MSL2: variants seen among roughly 807,000 people sequenced by gnomAD.
MSL2 encodes MSL complex subunit 2, also known as E3 ubiquitin-protein ligase MSL2.
A neutral mutation model predicts 35.8 loss-of-function variants in MSL2; 2 were observed. The observed-to-expected ratio is 0.06, with a 90% CI of 0.02 to 0.18. MSL2 has a LOEUF of 0.18. Among genes scored for constraint, MSL2 ranks in the 10% least tolerant of loss-of-function variants. The pLI, the probability that MSL2 is intolerant of heterozygous loss-of-function variation, is 1.00. For synonymous variants in MSL2, 296 were observed against 255.7 expected, an observed-to-expected ratio of 1.16 and a Z score of -1.50; for missense variants, 523 against 706.7, an observed-to-expected ratio of 0.74 and a Z score of 2.95.
At chr3:136,183,291 CACTCCTGTA>C (rs1331771085) in intron 1 of MSL2, among the ~76,000 whole-genome samples, 1 of 152,198 alleles carries the variant, frequency 6.6e-6, no homozygotes, top group African/African-American at 2.4e-5. Flanking sequence ...TGCGGTGGCT[CACTCCTGTA>C]ACCCCAGCAC....
At chr3:136,166,062 T>TAAAAAA (rs34420183) in intron 1 of MSL2, among the ~76,000 whole-genome samples, 7 of 80,078 alleles carry the variant, frequency 8.7e-5, no homozygotes, top group East Asian at 1.1e-3. Context: ...TACGTACCAG[T>TAAAAAA]AAAAAAAAAA....
rs545026038 is a variant in MSL2, at chr3:136,195,175, G to C, written c.-62C>G. ...AGAAATTCCGGATCCAACTTAGTAA[G>C]CAGCCAGGGAACGATGGCGAATTTG... On this transcript the variant is annotated 5_prime_UTR_variant, in exon 1 of 2. Coordinates refer to ENST00000309993, the MANE Select transcript of MSL2 (RefSeq NM_018133.4). 6.4e-7 allele frequency: 1 copy of C among 1,563,430 alleles called. No homozygotes were observed. The highest frequency in any genetic ancestry group is 1.2e-5 in the South Asian group (1 of 84,980).
At chr3:136,180,412 G>C (rs1464251172) in intron 1 of MSL2, among the ~76,000 whole-genome samples, 1 of 151,958 alleles carries the variant, frequency 6.6e-6, no homozygotes, top group Non-Finnish European at 1.5e-5. Context: ...GACCTGTTCA[G>C]ATACAGGATG....
At chr3:136,190,770 AC>A (rs1197224544) in intron 1 of MSL2, among the ~76,000 whole-genome samples, 1 of 152,202 alleles carries the variant, frequency 6.6e-6, no homozygotes, top group South Asian at 2.1e-4. Flanking sequence ...AAAGAAAAAA[AC>A]AATTCTACTT....
chr3:136,192,169 A>G (rs1280725773), intron 1 of MSL2, among the ~76,000 whole-genome samples: 1 of 152,208 alleles, frequency 6.6e-6, no homozygotes, highest in Non-Finnish European at 1.5e-5. Context: ...TTAGACAAGA[A>G]AGATAACTTT....
chr3:136,180,866 G>A (rs968234703), intron 1 of MSL2, among the ~76,000 whole-genome samples: 3 of 149,662 alleles, frequency 2.0e-5, no homozygotes, highest in South Asian at 2.1e-4. Context: ...GGAGTTGGCC[G>A]GGCGTGGTAG....
At chr3:136,189,486 AGGCGGAGTCG>A (rs1188171286) in intron 1 of MSL2, among the ~76,000 whole-genome samples, 2 of 148,356 alleles carry the variant, frequency 1.3e-5, no homozygotes, top group Middle Eastern at 3.4e-3. Context: ...GCACTTTGGG[AGGCGGAGTCG>A]GGCGGATCAC....
In MSL2 at chr3:136,165,341, T is replaced by G. The variant is rs1285845053; in HGVS notation, c.143-12603A>C. ...ATGTGCTCTGTCTAAACAAATAATGTGATATTGACCCTAAAAATATTCATT... is the reference window on the plus strand; with the variant it reads ...ATGTGCTCTGTCTAAACAAATAATGGGATATTGACCCTAAAAATATTCATT... On this transcript the variant is annotated intron_variant, in intron 1 of 1. Transcript: ENST00000309993. 3.3e-5 allele frequency among the ~76,000 whole-genome samples: 5 copies of G among 152,284 alleles called. No homozygotes were observed. The East Asian group carries it at 9.6e-4, about 29-fold the overall frequency.
At chr3:136,160,856 A>C (rs866915655) in intron 1 of MSL2, among the ~76,000 whole-genome samples, 7 of 152,192 alleles carry the variant, frequency 4.6e-5, no homozygotes, top group Admixed American at 3.9e-4. Context: ...TAGGAGGACA[A>C]GATGGGCAGA....
rs1204730241 is a variant in MSL2, at chr3:136,177,618, G to A, written c.142+17354C>T. Among the ~76,000 whole-genome samples the A allele has an allele frequency of 3.4e-5, 5 of 148,978 alleles. No individual in the cohort carries two copies. In the South Asian group the frequency reaches 8.4e-4, roughly 25 times the overall value. ...GGCATGAACCCAGGAGGCAGAGCTCGCAGTGAGCTGAGATCACGACACTGC... is the reference window on the plus strand; with the variant it reads ...GGCATGAACCCAGGAGGCAGAGCTCACAGTGAGCTGAGATCACGACACTGC... On this transcript the variant is annotated intron_variant, in intron 1 of 1. Transcript: ENST00000309993.
intron 1 of MSL2, among the ~76,000 whole-genome samples, chr3:136,178,939 T>C (rs1019717117): frequency 6.6e-6 from 1 of 151,664 alleles, no homozygotes; most frequent in African/African-American, 2.4e-5. Flanking sequence ...ACTCCAGCTC[T>C]GAGGATGCTG....
chr3:136,157,063 T>C (rs1393206549), intron 1 of MSL2, among the ~76,000 whole-genome samples: 2 of 152,226 alleles, frequency 1.3e-5, no homozygotes, highest in South Asian at 4.1e-4. Flanking sequence ...AAAAGCAAAG[T>C]CTCAAGTCAA....
intron 1 of MSL2, among the ~76,000 whole-genome samples, chr3:136,192,373 T>A (rs958622719): frequency 3.9e-5 from 6 of 152,022 alleles, no homozygotes; most frequent in African/African-American, 7.3e-5. Flanking sequence ...GAGATGGGGT[T>A]TCACTATGTT....
At chr3:136,169,187 C>T (rs1473018342) in intron 1 of MSL2, among the ~76,000 whole-genome samples, 1 of 115,856 alleles carries the variant, frequency 8.6e-6, no homozygotes, top group African/African-American at 3.4e-5. Flanking sequence ...CAAATCTTTC[C>T]TGTACCATGG....
At chr3:136,179,507 C>T (rs895360189) in intron 1 of MSL2, among the ~76,000 whole-genome samples, 1 of 152,134 alleles carries the variant, frequency 6.6e-6, no homozygotes, top group Non-Finnish European at 1.5e-5. Flanking sequence ...TAAAAGCTTC[C>T]CAAATTCTGA....
chr3:136,184,980 C>T (rs998451151), intron 1 of MSL2, among the ~76,000 whole-genome samples: 1 of 152,006 alleles, frequency 6.6e-6, no homozygotes, highest in Non-Finnish European at 1.5e-5. Flanking sequence ...TAACCACCAA[C>T]TCATTTTTTT....
intron 1 of MSL2, among the ~76,000 whole-genome samples, chr3:136,192,953 T>C (rs998439537): frequency 3.3e-5 from 5 of 152,084 alleles, no homozygotes; most frequent in African/African-American, 1.2e-4. Context: ...TCCAAAGAGA[T>C]GGGAGGAAAA....
At chr3:136,181,721 C>G (rs1940368914) in intron 1 of MSL2, among the ~76,000 whole-genome samples, 1 of 151,962 alleles carries the variant, frequency 6.6e-6, no homozygotes, top group African/African-American at 2.4e-5. Flanking sequence ...GAGTTGAAGA[C>G]CAGCCTGGCC....
chr3:136,169,812 T>A (rs1196348824), intron 1 of MSL2, among the ~76,000 whole-genome samples: 1 of 151,718 alleles, frequency 6.6e-6, no homozygotes, highest in Non-Finnish European at 1.5e-5. Context: ...GCTCCAGCAC[T>A]TTGGGAGGCC....
Sources: allele counts gnomAD v4.1 joint callset (sites outside exome capture counted in the v4.1 genomes callset), GRCh38; gene constraint gnomAD v4.1.1; transcripts MANE v1.5; gene names NCBI Gene and HGNC (gene_info 2026-07-23, HGNC 2026-07-21).